Variants in RAB11FIP4 observed in about 807,000 individuals in gnomAD.
The protein encoded by RAB11FIP4 is rab11 family-interacting protein 4.
RAB11FIP4 carries 23 observed loss-of-function variants against 74.3 expected under a neutral mutation model. That is an observed-to-expected ratio of 0.31 (90% CI 0.22 to 0.44). The LOEUF is 0.44. Among genes scored for constraint, RAB11FIP4 ranks in the 20% least tolerant of loss-of-function variants. The pLI, the probability that RAB11FIP4 is intolerant of heterozygous loss-of-function variation, is 1.00. For synonymous variants in RAB11FIP4, 360 were observed against 359.9 expected (o/e 1.00, Z 0.00); for missense variants, 630 against 863.9 (o/e 0.73, Z 3.39).
At position 31,445,556 on chromosome 17, in the gene RAB11FIP4, ATATATATATATATATATATATATTTT is replaced by A. The variant is rs1417251413; in HGVS notation, c.336+11436_336+11461del. Among the ~76,000 whole-genome samples the A allele has an allele frequency of 5.8e-3, 110 of 18,936 alleles. 4 individuals are homozygous for A. Among genetic ancestry groups the A allele is most frequent in the African/African-American group, 9.3e-3 (55 of 5,928 alleles). The allele number at this position is 18,936 out of a possible 152,430, so 12.4% of individuals were successfully genotyped here. ...TTTATATATATATATATATATATAT[ATATATATATATATATATATATATTTT>A]TTTTTTTTTTTTTTTTTTTTTGACA... On this transcript the variant is annotated intron_variant, in intron 3 of 14. Transcript: ENST00000621161.
intron 3 of RAB11FIP4, among the ~76,000 whole-genome samples, chr17:31,467,558 C>T (rs1474475786): frequency 6.6e-6 from 1 of 152,164 alleles, no homozygotes; most frequent in Admixed American, 6.5e-5. Context: ...AGGGACATGA[C>T]AGAAGTCTAC....
chr17:31,449,315 G>A (rs914566061), intron 3 of RAB11FIP4, among the ~76,000 whole-genome samples: 6 of 151,988 alleles, frequency 3.9e-5, no homozygotes, highest in South Asian at 2.1e-4. Flanking sequence ...CACAGCACCC[G>A]CACCACGCCC....
At chr17:31,452,738 C>T (rs2071537971) in intron 3 of RAB11FIP4, among the ~76,000 whole-genome samples, 1 of 152,210 alleles carries the variant, frequency 6.6e-6, no homozygotes, top group Non-Finnish European at 1.5e-5. Flanking sequence ...CTGTCACCTC[C>T]GCATGTGGTG....
At position 31,436,064 on chromosome 17, in the gene RAB11FIP4, G is replaced by T. The variant is rs375590364; in HGVS notation, c.336+1942G>T. On this transcript the variant is annotated intron_variant, in intron 3 of 14. Transcript: ENST00000621161. ...CTGAGTGCCCCAGGAACTTTGCTGG[G>T]GGGGCCCTTCCTGGATTGCTGAGCA... Among the ~76,000 whole-genome samples, 30 of 152,266 alleles carry T rather than the reference G, an allele frequency of 2.0e-4. 1 individual carries two copies. The East Asian group carries it at 5.6e-3, about 28-fold the overall frequency.
intron 1 of RAB11FIP4, among the ~76,000 whole-genome samples, chr17:31,430,310 T>TCA (rs2071295920): frequency 6.7e-6 from 1 of 149,248 alleles, no homozygotes; most frequent in Non-Finnish European, 1.5e-5. Flanking sequence ...GTGGAAGGGG[T>TCA]CAGATCACAT....
intron 3 of RAB11FIP4, among the ~76,000 whole-genome samples, chr17:31,477,875 T>C (rs178901): frequency 0.41 from 62,239 of 151,824 alleles, 13,172 homozygotes; most frequent in Middle Eastern, 0.48. Context: ...TCCCCATCTG[T>C]AAAATGGGGA....
intron 3 of RAB11FIP4, among the ~76,000 whole-genome samples, chr17:31,509,818 C>G (rs373064797): frequency 1.3e-5 from 2 of 152,246 alleles, no homozygotes; most frequent in East Asian, 3.9e-4. Flanking sequence ...GAGCCGAGGC[C>G]TCATGTCTGA....
chr17:31,467,996 G>T (rs1215601388), intron 3 of RAB11FIP4, among the ~76,000 whole-genome samples: 1 of 152,214 alleles, frequency 6.6e-6, no homozygotes, highest in Non-Finnish European at 1.5e-5. Flanking sequence ...GTGAAGGAGG[G>T]GCCTGGGAAG....
chr17:31,527,675 G>C (rs1018246498), intron 10 of RAB11FIP4, 167 bp from the exon 11 acceptor site: 5 of 561,398 alleles, frequency 8.9e-6, no homozygotes, highest in Non-Finnish European at 1.6e-5. Context: ...TGGCTGATAG[G>C]AAGCTCACGG....
chr17:31,448,248 C>CT (rs1468827602), intron 3 of RAB11FIP4, among the ~76,000 whole-genome samples: 6 of 151,416 alleles, frequency 4.0e-5, no homozygotes, highest in African/African-American at 1.5e-4. Context: ...TTTTCCTTTT[C>CT]TTTTTTTTAA....
intron 3 of RAB11FIP4, among the ~76,000 whole-genome samples, chr17:31,462,037 G>T (rs1435223480): frequency 6.6e-6 from 1 of 152,106 alleles, no homozygotes; most frequent in East Asian, 1.9e-4. Context: ...CAAGATGGGT[G>T]GATCACCTGA....
chr17:31,462,423 G>C (rs1222908520), intron 3 of RAB11FIP4, among the ~76,000 whole-genome samples: 1 of 152,164 alleles, frequency 6.6e-6, no homozygotes, highest in Non-Finnish European at 1.5e-5. Context: ...ACATTAGAAA[G>C]GGTCTGGAGT....
chr17:31,432,050 G>A, intron 2 of RAB11FIP4, 150 bp downstream of exon 2: 1 of 626,342 alleles, frequency 1.6e-6, no homozygotes, highest in Non-Finnish European at 2.8e-6. Context: ...CTGGCTTCCG[G>A]GGGGGCCAGA....
At chr17:31,481,658 C>G (rs980823768) in intron 3 of RAB11FIP4, among the ~76,000 whole-genome samples, 2 of 152,146 alleles carry the variant, frequency 1.3e-5, no homozygotes, top group Non-Finnish European at 2.9e-5. Flanking sequence ...CAAAAGAACA[C>G]CTTGCTGGAC....
chr17:31,475,090 C>G (rs965746615), intron 3 of RAB11FIP4, among the ~76,000 whole-genome samples: 1 of 152,128 alleles, frequency 6.6e-6, no homozygotes, highest in African/African-American at 2.4e-5. Flanking sequence ...AGGGCAGGAG[C>G]AAAACCTTGA....
chr17:31,447,011 G>C (rs1292566694), intron 3 of RAB11FIP4, among the ~76,000 whole-genome samples: 1 of 151,954 alleles, frequency 6.6e-6, no homozygotes, highest in African/African-American at 2.4e-5. Context: ...ACAGGCGGGT[G>C]CCGTGGCTCT....
At chr17:31,447,566 A>G (rs1000574212) in intron 3 of RAB11FIP4, among the ~76,000 whole-genome samples, 1 of 152,202 alleles carries the variant, frequency 6.6e-6, no homozygotes, top group African/African-American at 2.4e-5. Context: ...CTCATTGCCC[A>G]GGCTGGAGTG....
At chr17:31,459,690 G>A (rs1046444280) in intron 3 of RAB11FIP4, among the ~76,000 whole-genome samples, 6 of 151,900 alleles carry the variant, frequency 3.9e-5, no homozygotes, top group Non-Finnish European at 7.4e-5. Flanking sequence ...CCTGTTTCTT[G>A]CAGCACTGTC....
rs75461926 is a variant in RAB11FIP4, at chr17:31,474,880, A to C, written c.336+40758A>C. 8.1e-3 allele frequency among the ~76,000 whole-genome samples: 313 copies of C among 38,640 alleles called. 5 individuals are homozygous for C. The East Asian group carries it at 0.17, about 21-fold the overall frequency. 25.3% of individuals were successfully genotyped at this position (38,640 alleles called of 152,430 possible). On this transcript the variant is annotated intron_variant, in intron 3 of 14. Transcript: ENST00000621161. Reference sequence around the variant, plus strand: ...CAAAACAAAACAAAACAAAACAAAAAACAAAAAAAAAACAGAGATTCACCT... The same window carrying C: ...CAAAACAAAACAAAACAAAACAAAACACAAAAAAAAAACAGAGATTCACCT...
Sources: allele counts gnomAD v4.1 joint callset (sites outside exome capture counted in the v4.1 genomes callset), GRCh38; gene constraint gnomAD v4.1.1; transcripts MANE v1.5; gene names NCBI Gene and HGNC (gene_info 2026-07-23, HGNC 2026-07-21).